PPP2R5C: variants seen among roughly 807,000 people sequenced by gnomAD.
PPP2R5C encodes the protein protein phosphatase 2 regulatory subunit B'gamma.
PPP2R5C carries 7 observed loss-of-function variants against 68.9 expected under a neutral mutation model. The ratio of observed to expected loss-of-function variants is 0.10; its 90% CI spans 0.06 to 0.19. PPP2R5C has a LOEUF of 0.19. Ranked by LOEUF, PPP2R5C falls within the 10% of genes least tolerant of loss-of-function variation. PPP2R5C has a pLI of 1.00. For synonymous variants in PPP2R5C, 210 were observed against 222.2 expected (o/e 0.95, Z 0.49); for missense variants, 348 against 641.3 (o/e 0.54, Z 4.94).
exon 2 of PPP2R5C, chr14:101,762,936 G>T: frequency 6.3e-7 from 1 of 1,583,838 alleles, no homozygotes; most frequent in African/African-American, 1.3e-5. Flanking sequence ...AGTGGAAAAA[G>T]TTCAAAAGAA....
At chr14:101,871,702 A>G (rs1309371785) in intron 2 of PPP2R5C, among the ~76,000 whole-genome samples, 2 of 151,196 alleles carry the variant, frequency 1.3e-5, no homozygotes, top group Admixed American at 1.3e-4. Flanking sequence ...CTTTGTCTGC[A>G]TTCTTTTGGA....
At chr14:101,809,680 G>A (rs1037034269), upstream of PPP2R5C, 4 of 431,872 alleles carry the variant, frequency 9.3e-6, no homozygotes, top group Middle Eastern at 7.6e-4. Context: ...ACTGAGAAAC[G>A]AAGGCTGCAA....
Position 101,890,308 on chromosome 14 carries a change from T to C in PPP2R5C, c.689+12T>C. On this transcript the variant is annotated intron_variant, in intron 6 of 13. Coordinates refer to ENST00000334743, the Ensembl canonical transcript of PPP2R5C. ...GAAATATTGGGAAGGTAAGCCTCTG[T>C]TATGGGTAGCAAACGGCTGTAGATG... The C allele has an allele frequency of 6.2e-7, 1 of 1,611,384 alleles. No homozygotes were observed. Among genetic ancestry groups the C allele is most frequent in the East Asian group, 2.2e-5 (1 of 44,864 alleles).
intron 1 of PPP2R5C, chr14:101,819,294 C>T: frequency 2.1e-6 from 1 of 472,018 alleles, no homozygotes; most frequent in Non-Finnish European, 3.8e-6. Context: ...CAGCCTGTGG[C>T]CCCTGGGGTC....
chr14:101,886,078 G>A (rs973238316), intron 5 of PPP2R5C, among the ~76,000 whole-genome samples: 3 of 151,864 alleles, frequency 2.0e-5, no homozygotes, highest in Admixed American at 6.6e-5. Context: ...TCAGGAGATC[G>A]AGACCATACT....
At chr14:101,872,260 G>C (rs1247903720) in intron 2 of PPP2R5C, among the ~76,000 whole-genome samples, 2 of 105,268 alleles carry the variant, frequency 1.9e-5, no homozygotes, top group African/African-American at 8.0e-5. Flanking sequence ...GTCTTGCTCT[G>C]TTACCCAGGC....
chr14:101,805,820 A>G (rs527963912), upstream of PPP2R5C, among the ~76,000 whole-genome samples: 1 of 152,376 alleles, frequency 6.6e-6, no homozygotes, highest in Non-Finnish European at 1.5e-5. Flanking sequence ...CAAACGCTGT[A>G]AGATCTCCTT....
At chr14:101,831,854 T>C (rs1442722725) in intron 1 of PPP2R5C, 2 of 663,736 alleles carry the variant, frequency 3.0e-6, no homozygotes, top group African/African-American at 3.5e-5. Context: ...CACTGTAGTC[T>C]GTTACTTACA....
intron 1 of PPP2R5C, among the ~76,000 whole-genome samples, chr14:101,815,995 A>G (rs2039643414): frequency 1.3e-5 from 2 of 152,270 alleles, no homozygotes; most frequent in African/African-American, 4.8e-5. Flanking sequence ...TTAGCTAAAT[A>G]CCTCATCAGT....
intron 3 of PPP2R5C, among the ~76,000 whole-genome samples, chr14:101,793,485 G>T (rs1416658324): frequency 1.3e-5 from 2 of 152,192 alleles, no homozygotes; most frequent in African/African-American, 2.4e-5. Flanking sequence ...CCACTTACTC[G>T]CTGCTCCACC....
At chr14:101,864,977 A>G (rs1203053394) in intron 2 of PPP2R5C, among the ~76,000 whole-genome samples, 2 of 152,204 alleles carry the variant, frequency 1.3e-5, no homozygotes, top group African/African-American at 2.4e-5. Flanking sequence ...AGCGGCTTTG[A>G]TGGCAGAGAG....
At chr14:101,762,849 A>ATGTT in intron 1 of PPP2R5C, 56 bp from the exon 2 acceptor site, 1 of 1,424,008 alleles carries the variant, frequency 7.0e-7, no homozygotes, top group Non-Finnish European at 9.7e-7. Context: ...GGCTTATCTG[A>ATGTT]TGTTTACCTG....
rs2038668936 is a variant in PPP2R5C, at chr14:101,797,495, C to T, written c.259+11312C>T. 5.9e-6 allele frequency: 2 copies of T among 336,204 alleles called. No individual in the cohort carries two copies. The highest frequency in any genetic ancestry group is 1.2e-5 in the Non-Finnish European group (2 of 168,202). The allele number at this position is 336,204 out of a possible 1,614,324, so 20.8% of individuals were successfully genotyped here. On this transcript the variant is annotated intron_variant, in intron 3 of 14. Coordinates refer to the PPP2R5C transcript ENST00000328724. This position sits in a 1 kb window ranked among gnomAD's most constrained non-coding sequence, Gnocchi z 4.2. The stretch of plus-strand genomic sequence containing the variant: ...GGCCCCTCTGCCCTCTTTCTCCACC[C>T]TCTCCATTTTCACCGAGATGGTTGT...
intron 2 of PPP2R5C, among the ~76,000 whole-genome samples, chr14:101,873,238 A>G (rs2043534895): frequency 6.6e-6 from 1 of 152,134 alleles, no homozygotes; most frequent in Admixed American, 6.5e-5. Flanking sequence ...AGTTTAGTTC[A>G]GTTGACTGGT....
Position 101,779,021 on chromosome 14 carries a change from T to C in PPP2R5C, c.94-6997T>C, listed in dbSNP as rs531220601. 5.8e-4 allele frequency among the ~76,000 whole-genome samples: 89 copies of C among 152,152 alleles called. No homozygotes were observed. The South Asian group carries it at 6.8e-3, about 12-fold the overall frequency. On this transcript the variant is annotated intron_variant, in intron 2 of 14. Coordinates refer to the PPP2R5C transcript ENST00000328724. ...GTTGCAGTGAGCTGTGGTTGTGCAA[T>C]TGCACTCCAGCCTGAGTGACAGACA...
chr14:101,833,099 A>G (rs2040853540), intron 1 of PPP2R5C, among the ~76,000 whole-genome samples: 1 of 152,234 alleles, frequency 6.6e-6, no homozygotes, highest in African/African-American at 2.4e-5. Context: ...GTCTAGTGAG[A>G]AGTCGTCAGT....
rs187020438 is a variant in PPP2R5C, at chr14:101,849,251, G to A, written c.95-7435G>A. On this transcript the variant is annotated intron_variant, in intron 1 of 13. Coordinates refer to ENST00000334743, the Ensembl canonical transcript of PPP2R5C. ...TGTGATGGACGTGTATGTGAGTGTCGTGAGGTGGTATGCCAGGAGTGCTGT... is the reference window on the plus strand; with the variant it reads ...TGTGATGGACGTGTATGTGAGTGTCATGAGGTGGTATGCCAGGAGTGCTGT... Among the ~76,000 whole-genome samples the A allele has an allele frequency of 1.7e-4, 26 of 152,278 alleles. No homozygotes were observed. The East Asian group carries it at 4.6e-3, about 27-fold the overall frequency.
chr14:101,823,814 C>G (rs955185962), intron 1 of PPP2R5C: 4 of 1,155,300 alleles, frequency 3.5e-6, no homozygotes, highest in Non-Finnish European at 4.3e-6. Context: ...TCACAGGGAT[C>G]TATCTACACG....
At position 101,827,990 on chromosome 14, in the gene PPP2R5C, A is replaced by G. The variant is rs141700389; in HGVS notation, c.94+17954A>G. Among the ~76,000 whole-genome samples the G allele has an allele frequency of 2.8e-4, 43 of 152,140 alleles. 1 individual carries two copies. The highest frequency in any genetic ancestry group is 9.4e-4 in the African/African-American group (39 of 41,490). ...TTACTGATCTTATTTGTATGTTAGG[A>G]TGATAGCCCAGTGTCAGTCCTCAGG... On this transcript the variant is annotated intron_variant, in intron 1 of 13. Transcript: ENST00000334743.
Sources: allele counts gnomAD v4.1 joint callset (sites outside exome capture counted in the v4.1 genomes callset), GRCh38; gene constraint gnomAD v4.1.1; non-coding constraint Gnocchi (gnomAD v3.1); transcripts MANE v1.5; gene names NCBI Gene and HGNC (gene_info 2026-07-23, HGNC 2026-07-21).